MERTK: variants seen among roughly 807,000 people sequenced by gnomAD.
MERTK encodes the protein tyrosine-protein kinase Mer.
A neutral mutation model predicts 99.3 loss-of-function variants in MERTK; 69 were observed. That is an observed-to-expected ratio of 0.70 (90% CI 0.57 to 0.85). The LOEUF (loss-of-function observed/expected upper bound fraction) is 0.85. Ranked by LOEUF, MERTK falls within the 40% of genes least tolerant of loss-of-function variation. The probability of loss-of-function intolerance (pLI) is 0.00; values close to 1 mark genes in which losing one functional copy is unlikely to be tolerated. For missense variants in MERTK, 1,125 were observed against 1,249.4 expected, an observed-to-expected ratio of 0.90 and a Z score of 1.50; for synonymous variants, 426 against 467.6, an observed-to-expected ratio of 0.91 and a Z score of 1.15.
At chr2:111,955,503 C>T (rs1467805380) in intron 4 of MERTK, among the ~76,000 whole-genome samples, 1 of 152,086 alleles carries the variant, frequency 6.6e-6, no homozygotes, top group Non-Finnish European at 1.5e-5. Context: ...GTTCTGTAGC[C>T]ACAAATCTGT....
chr2:111,916,889 G>C (rs142385584), intron 1 of MERTK, among the ~76,000 whole-genome samples: 1 of 152,238 alleles, frequency 6.6e-6, no homozygotes, highest in Non-Finnish European at 1.5e-5. Context: ...TAGAATTCTA[G>C]GTTCCTCACT....
chr2:111,999,232 T>G (rs1179471859), intron 10 of MERTK, among the ~76,000 whole-genome samples: 1 of 152,190 alleles, frequency 6.6e-6, no homozygotes, highest in Non-Finnish European at 1.5e-5. Context: ...TCATAATACT[T>G]TCCCACCAAT....
chr2:111,907,142 C>T (rs573212115), intron 1 of MERTK, among the ~76,000 whole-genome samples: 23 of 152,050 alleles, frequency 1.5e-4, no homozygotes, highest in Admixed American at 1.4e-3. Flanking sequence ...CAGCCAGGTG[C>T]GGTGGCTCAC....
intron 4 of MERTK, among the ~76,000 whole-genome samples, chr2:111,958,902 G>C (rs17042089): frequency 0.04 from 6,077 of 151,908 alleles, 410 homozygotes; most frequent in African/African-American, 0.14. Flanking sequence ...CTTATGACAA[G>C]TTTGGAATGT....
chr2:111,975,852 G>A (rs191836833), intron 7 of MERTK, among the ~76,000 whole-genome samples: 4 of 152,184 alleles, frequency 2.6e-5, no homozygotes, highest in Admixed American at 6.5e-5. Flanking sequence ...GCTCTGCAGC[G>A]GAGACCAGCT....
At chr2:111,980,160 G>A (rs955692888) in intron 7 of MERTK, among the ~76,000 whole-genome samples, 72 of 152,304 alleles carry the variant, frequency 4.7e-4, no homozygotes, top group African/African-American at 1.6e-3. Flanking sequence ...GGAATTAAAC[G>A]TGGCTGCTGA....
At chr2:111,983,163 C>T (rs966660193) in intron 8 of MERTK, among the ~76,000 whole-genome samples, 170 bp downstream of exon 8, 2 of 152,182 alleles carry the variant, frequency 1.3e-5, no homozygotes, top group Admixed American at 6.5e-5. Flanking sequence ...GGTGACTGAA[C>T]AGTTACAAAA....
intron 6 of MERTK, among the ~76,000 whole-genome samples, chr2:111,969,648 C>A (rs529482738): frequency 6.6e-6 from 1 of 151,746 alleles, no homozygotes; most frequent in Non-Finnish European, 1.5e-5. Context: ...CTGTATTATC[C>A]GTAAAATAGC....
chr2:112,009,265 G>C (rs1677046321), intron 14 of MERTK, among the ~76,000 whole-genome samples: 1 of 152,196 alleles, frequency 6.6e-6, no homozygotes. Flanking sequence ...TTCATTCACT[G>C]CTATTGGCTT....
chr2:112,024,573 G>A, intron 18 of MERTK, among the ~76,000 whole-genome samples: 1 of 152,196 alleles, frequency 6.6e-6, no homozygotes, highest in Non-Finnish European at 1.5e-5. Flanking sequence ...GAATCTAGAT[G>A]CTGGGTAACA....
At position 111,968,286 on chromosome 2, in the gene MERTK, T is replaced by A. The variant is rs767285626; in HGVS notation, c.960+34T>A. The stretch of plus-strand genomic sequence containing the variant: ...CCAGGGTGAAGAGGGAAGTAGCTGT[T>A]TGGTGCTCTCTGTGGGTTTAAGGAT... On this transcript the variant is annotated intron_variant, in intron 6 of 18. Coordinates refer to ENST00000295408, the MANE Select transcript of MERTK (RefSeq NM_006343.3). The A allele has an allele frequency of 4.6e-6, 7 of 1,535,782 alleles. No individual in the cohort carries two copies. The African/African-American group carries it at 9.6e-5, about 21-fold the overall frequency.
At chr2:111,902,283 A>G (rs1197989221) in intron 1 of MERTK, among the ~76,000 whole-genome samples, 1 of 152,240 alleles carries the variant, frequency 6.6e-6, no homozygotes, top group African/African-American at 2.4e-5. Context: ...AAGAGGTTCA[A>G]TCTTTTTATG....
chr2:111,898,872 C>A (rs1460198637), intron 1 of MERTK, 76 bp downstream of exon 1: 3 of 1,445,030 alleles, frequency 2.1e-6, no homozygotes, highest in Admixed American at 4.5e-5. Context: ...GGGGAGGGAG[C>A]GCGTCCACAG....
intron 2 of MERTK, among the ~76,000 whole-genome samples, chr2:111,937,268 G>T (rs1044625774): frequency 6.7e-6 from 1 of 149,946 alleles, no homozygotes; most frequent in Non-Finnish European, 1.5e-5. Flanking sequence ...AACACAATAG[G>T]ACCCCATTGC....
At chr2:111,909,215 C>G (rs72938415) in intron 1 of MERTK, among the ~76,000 whole-genome samples, 1 of 151,974 alleles carries the variant, frequency 6.6e-6, no homozygotes, top group Non-Finnish European at 1.5e-5. Flanking sequence ...GGCCAGGTCT[C>G]GGTAACGCAG....
At chr2:111,957,007 A>C (rs1478854496) in intron 4 of MERTK, among the ~76,000 whole-genome samples, 2 of 147,950 alleles carry the variant, frequency 1.4e-5, no homozygotes, top group African/African-American at 5.0e-5. Flanking sequence ...AGCTCACTGC[A>C]AGCTCCACCT....
At chr2:111,997,845 A>C (rs1273016790) in intron 10 of MERTK, among the ~76,000 whole-genome samples, 1 of 152,188 alleles carries the variant, frequency 6.6e-6, no homozygotes, top group Non-Finnish European at 1.5e-5. Context: ...TGAGGTCAGG[A>C]GTTTGAGACC....
chr2:111,986,323 A>G (rs1468290230), intron 8 of MERTK, among the ~76,000 whole-genome samples: 1 of 152,218 alleles, frequency 6.6e-6, no homozygotes, highest in Non-Finnish European at 1.5e-5. Flanking sequence ...CAGGAATCAA[A>G]TGCCTCTTTG....
At chr2:111,930,987 A>G (rs184655383) in intron 2 of MERTK, among the ~76,000 whole-genome samples, 21 of 152,310 alleles carry the variant, frequency 1.4e-4, no homozygotes, top group African/African-American at 5.1e-4. Flanking sequence ...GGGTGGAAGC[A>G]AGAGCCTTTT....
Sources: allele counts gnomAD v4.1 joint callset (sites outside exome capture counted in the v4.1 genomes callset), GRCh38; gene constraint gnomAD v4.1.1; transcripts MANE v1.5; gene names NCBI Gene and HGNC (gene_info 2026-07-23, HGNC 2026-07-21).